The following ARHGAP28 variants were observed in gnomAD, a reference collection of about 807,000 sequenced individuals.
ARHGAP28 encodes the protein rho GTPase-activating protein 28.
A neutral mutation model predicts 90.7 loss-of-function variants in ARHGAP28; 56 were observed. The ratio of observed to expected loss-of-function variants is 0.62; its 90% confidence interval spans 0.50 to 0.77. The LOEUF is 0.77. ARHGAP28 is among the 30% of genes least tolerant of loss of function. ARHGAP28 has a pLI of 0.00. For missense variants in ARHGAP28, 869 were observed against 900.9 expected, an observed-to-expected ratio of 0.96 and a Z score of 0.45; for synonymous variants, 308 against 323.3, an observed-to-expected ratio of 0.95 and a Z score of 0.51.
chr18:6,910,366 G>C (rs1293683391), intron 17 of ARHGAP28, among the ~76,000 whole-genome samples: 1 of 152,152 alleles, frequency 6.6e-6, no homozygotes, highest in East Asian at 1.9e-4. Context: ...TCCTTGGCGA[G>C]CTCAATCCAT....
At chr18:6,832,929 T>G (rs1335956819) in intron 2 of ARHGAP28, among the ~76,000 whole-genome samples, 1 of 152,074 alleles carries the variant, frequency 6.6e-6, no homozygotes, top group Non-Finnish European at 1.5e-5. Flanking sequence ...AATACTATGC[T>G]TCATTCACTA....
intron 1 of ARHGAP28, among the ~76,000 whole-genome samples, chr18:6,775,673 T>A (rs954307588): frequency 6.6e-6 from 1 of 152,212 alleles, no homozygotes; most frequent in African/African-American, 2.4e-5. Context: ...GATTACTAAA[T>A]AGGGAGACTT....
Position 6,873,576 on chromosome 18 carries a change from T to C in ARHGAP28, c.1120+2T>C, listed in dbSNP as rs1330661186. ...AAACAGAGAAAGTAAAAGGACGAGG[T>C]AACTAAGAAGACTGATTGCTTCTGG... is the stretch of plus-strand genomic sequence containing the variant. On this transcript the variant is annotated splice_donor_variant, in intron 8 of 17. Transcript: ENST00000383472. LOFTEE classifies it high-confidence loss of function. The C allele has an allele frequency of 6.2e-7, 1 of 1,612,924 alleles. No homozygotes were observed. Among genetic ancestry groups the C allele is most frequent in the Non-Finnish European group, 8.5e-7 (1 of 1,179,736 alleles).
At chr18:6,821,666 C>CA (rs1419255613) in intron 1 of ARHGAP28, among the ~76,000 whole-genome samples, 3 of 151,642 alleles carry the variant, frequency 2.0e-5, no homozygotes, top group Non-Finnish European at 4.4e-5. Flanking sequence ...ACTTCTTTGC[C>CA]AAAAAAAAGC....
intron 5 of ARHGAP28, among the ~76,000 whole-genome samples, chr18:6,860,404 T>G (rs2056988041): frequency 6.6e-6 from 1 of 152,172 alleles, no homozygotes; most frequent in African/African-American, 2.4e-5. Context: ...TACTTTTGTT[T>G]TGTCAAAAAT....
At chr18:6,802,308 C>T (rs1189455311) in intron 1 of ARHGAP28, among the ~76,000 whole-genome samples, 3 of 136,828 alleles carry the variant, frequency 2.2e-5, no homozygotes, top group Admixed American at 7.6e-5. Context: ...AGTGGAATTG[C>T]TGGATCATAT....
chr18:6,750,128 T>A (rs1449136357), intron 1 of ARHGAP28, among the ~76,000 whole-genome samples: 7 of 152,168 alleles, frequency 4.6e-5, no homozygotes, highest in African/African-American at 1.7e-4. Flanking sequence ...ATTGCTAACA[T>A]CTACTGAGTG....
rs1256371370 is a variant in ARHGAP28 at position 6,879,902 on chromosome 18, CCTAAAGGAT to C, written c.1291-2232_1291-2224del. Reference sequence around the variant, plus strand: ...GTCAGTTGCTGAGTTCGGATAAAAGCCTAAAGGATCTGGTTGTAGCACCTGCCCTTGACC... The same window carrying C: ...GTCAGTTGCTGAGTTCGGATAAAAGCCTGGTTGTAGCACCTGCCCTTGACC... On this transcript the variant is annotated intron_variant, in intron 10 of 17. Transcript: ENST00000383472. Among the ~76,000 whole-genome samples the C allele has an allele frequency of 2.0e-5, 3 of 152,190 alleles. No homozygotes were observed. The East Asian group carries it at 5.8e-4, about 29-fold the overall frequency.
rs1488188300 is a variant in ARHGAP28 at position 6,869,250 on chromosome 18, ATTC to A, written c.811+1019_811+1021del. Among the ~76,000 whole-genome samples, 349 of 103,804 alleles carry A rather than the reference ATTC, an allele frequency of 3.4e-3. 6 individuals are homozygous for A. Among genetic ancestry groups the A allele is most frequent in the Non-Finnish European group, 3.8e-3 (189 of 50,084 alleles). The allele number at this position is 103,804 out of a possible 152,430, so 68.1% of individuals were successfully genotyped here. Reference sequence around the variant, plus strand: ...GGAGCATCATAGCTCTCCTTTTGCCATTCTTTTTTTTTTTTTTTTTTTTTTTTG... The same window carrying A: ...GGAGCATCATAGCTCTCCTTTTGCCATTTTTTTTTTTTTTTTTTTTTTTTG... On this transcript the variant is annotated intron_variant, in intron 6 of 17. Transcript: ENST00000383472.
chr18:6,905,114 C>T (rs1017939984), intron 16 of ARHGAP28, among the ~76,000 whole-genome samples: 2 of 151,224 alleles, frequency 1.3e-5, no homozygotes, highest in African/African-American at 2.4e-5. Flanking sequence ...TAAAAAAAAA[C>T]AAACAAAAGC....
intron 1 of ARHGAP28, among the ~76,000 whole-genome samples, chr18:6,735,478 A>C (rs1179326327): frequency 1.3e-5 from 2 of 151,346 alleles, no homozygotes; most frequent in Non-Finnish European, 2.9e-5. Context: ...CTTTTTGAGA[A>C]CTGGTTGGTG....
intron 3 of ARHGAP28, among the ~76,000 whole-genome samples, chr18:6,837,623 T>G (rs16950671): frequency 0.023 from 3,522 of 152,264 alleles, 151 homozygotes; most frequent in African/African-American, 0.081. Flanking sequence ...GCAATCTCCC[T>G]CAATACTAAA....
intron 1 of ARHGAP28, among the ~76,000 whole-genome samples, chr18:6,760,148 G>A (rs2056147017): frequency 6.6e-6 from 1 of 152,186 alleles, no homozygotes; most frequent in African/African-American, 2.4e-5. Flanking sequence ...TTTTGGAGAA[G>A]TGCAGCGAAC....
chr18:6,773,914 G>C (rs1422448449), intron 1 of ARHGAP28: 2 of 152,164 alleles, frequency 1.3e-5, no homozygotes, highest in African/African-American at 4.8e-5. Flanking sequence ...GAAATGGATG[G>C]AAGTTTGAGC....
chr18:6,802,152 T>G (rs1439298142), intron 1 of ARHGAP28, among the ~76,000 whole-genome samples: 2 of 152,120 alleles, frequency 1.3e-5, no homozygotes, highest in Non-Finnish European at 2.9e-5. Flanking sequence ...CTTTATCCAT[T>G]TATCCATCCA....
chr18:6,896,004 C>T (rs546864581), intron 15 of ARHGAP28, among the ~76,000 whole-genome samples: 1 of 152,266 alleles, frequency 6.6e-6, no homozygotes, highest in East Asian at 1.9e-4. Context: ...GTTTTCAGCA[C>T]ACTTTGAGAG....
At chr18:6,734,945 T>G (rs1251726731) in intron 1 of ARHGAP28, among the ~76,000 whole-genome samples, 1 of 152,238 alleles carries the variant, frequency 6.6e-6, no homozygotes, top group Non-Finnish European at 1.5e-5. Flanking sequence ...TTCCTCCATA[T>G]GCAGAGCTGT....
intron 12 of ARHGAP28, among the ~76,000 whole-genome samples, chr18:6,889,550 T>C (rs574520245): frequency 6.6e-6 from 1 of 152,370 alleles, no homozygotes; most frequent in East Asian, 1.9e-4. Context: ...TCGTGTTTAT[T>C]GAACTGCAGC....
intron 3 of ARHGAP28, among the ~76,000 whole-genome samples, chr18:6,843,091 T>C (rs141358949): frequency 6.6e-6 from 1 of 152,346 alleles, no homozygotes; most frequent in African/African-American, 2.4e-5. Flanking sequence ...TGAACTTCTC[T>C]TTTTATACAC....
Sources: allele counts gnomAD v4.1 joint callset (sites outside exome capture counted in the v4.1 genomes callset), GRCh38; gene constraint gnomAD v4.1.1; transcripts MANE v1.5; gene names NCBI Gene and HGNC (gene_info 2026-07-23, HGNC 2026-07-21).